TCERG1L: variants seen among roughly 807,000 people sequenced by gnomAD.
TCERG1L encodes the protein transcription elongation regulator 1-like protein.
TCERG1L carries 37 observed loss-of-function variants against 56.3 expected under a neutral mutation model. The observed-to-expected ratio is 0.66, with a 90% CI of 0.51 to 0.87. TCERG1L has a LOEUF of 0.87. Ranked by LOEUF, TCERG1L falls within the 40% of genes least tolerant of loss-of-function variation. The pLI is 0.00. For missense variants in TCERG1L, 799 were observed against 774.2 expected (o/e 1.03, Z -0.38); for synonymous variants, 324 against 326.3 (o/e 0.99, Z 0.08).
chr10:131,300,903 G>C (rs916756977), intron 3 of TCERG1L, among the ~76,000 whole-genome samples: 13 of 152,020 alleles, frequency 8.6e-5, no homozygotes, highest in Non-Finnish European at 1.6e-4. Flanking sequence ...GTGTATTCAG[G>C]GGGTGGACCT....
chr10:131,163,604 CA>C (rs1207800538), intron 5 of TCERG1L, among the ~76,000 whole-genome samples: 1 of 152,170 alleles, frequency 6.6e-6, no homozygotes, highest in East Asian at 1.9e-4. Context: ...AAAACAACAG[CA>C]TTTAGTGGCA....
At chr10:131,124,424 C>T (rs935121012) in intron 8 of TCERG1L, among the ~76,000 whole-genome samples, 1 of 152,242 alleles carries the variant, frequency 6.6e-6, no homozygotes, top group Non-Finnish European at 1.5e-5. Context: ...CGGAGCGATG[C>T]TTCTGGAATT....
chr10:131,202,888 TTAAA>T (rs1845457675), intron 4 of TCERG1L, among the ~76,000 whole-genome samples: 1 of 152,326 alleles, frequency 6.6e-6, no homozygotes, highest in East Asian at 1.9e-4. Flanking sequence ...AAAGAAACAC[TTAAA>T]TAATTAAGTC....
At chr10:131,300,159 A>G (rs987250294) in intron 3 of TCERG1L, among the ~76,000 whole-genome samples, 2 of 152,168 alleles carry the variant, frequency 1.3e-5, no homozygotes, top group African/African-American at 4.8e-5. Flanking sequence ...TGTTTGGTAT[A>G]AAGTTCTTTG....
chr10:131,239,467 C>T (rs1393073591), intron 4 of TCERG1L, among the ~76,000 whole-genome samples: 1 of 152,212 alleles, frequency 6.6e-6, no homozygotes, highest in Non-Finnish European at 1.5e-5. Flanking sequence ...TCAAAGAAAG[C>T]TTTTTACAGA....
At chr10:131,147,698 GT>G (rs1330572344) in intron 6 of TCERG1L, among the ~76,000 whole-genome samples, 2 of 152,242 alleles carry the variant, frequency 1.3e-5, no homozygotes, top group African/African-American at 4.8e-5. Context: ...CTTTTCAGAT[GT>G]GCAGGAGTGA....
chr10:131,124,009 A>T (rs957706940), intron 8 of TCERG1L, among the ~76,000 whole-genome samples: 9 of 152,282 alleles, frequency 5.9e-5, no homozygotes, highest in African/African-American at 2.2e-4. Context: ...AAGCCATGAC[A>T]TCAGGCTGTC....
chr10:131,291,338 G>A (rs1846619162), intron 3 of TCERG1L, among the ~76,000 whole-genome samples: 1 of 135,072 alleles, frequency 7.4e-6, no homozygotes, highest in Non-Finnish European at 1.5e-5. Flanking sequence ...ATCCTATATA[G>A]CCAAGATATA....
At chr10:131,176,797 TAC>T (rs1846159016) in intron 4 of TCERG1L, among the ~76,000 whole-genome samples, 3 of 10,410 alleles carry the variant, frequency 2.9e-4, no homozygotes, top group Admixed American at 1.0e-3. Flanking sequence ...GAGATACACG[TAC>T]ATACACAGAG....
At chr10:131,124,868 A>C (rs185365093) in intron 8 of TCERG1L, among the ~76,000 whole-genome samples, 16 of 152,330 alleles carry the variant, frequency 1.1e-4, no homozygotes, top group African/African-American at 3.6e-4. Context: ...TCTTCATTTC[A>C]TCAACCCTCC....
intron 4 of TCERG1L, among the ~76,000 whole-genome samples, chr10:131,217,029 C>G (rs771912369): frequency 2.0e-5 from 3 of 152,198 alleles, no homozygotes; most frequent in Non-Finnish European, 4.4e-5. Context: ...CCACAGTCTA[C>G]AGGGTTGATG....
intron 4 of TCERG1L, among the ~76,000 whole-genome samples, chr10:131,185,116 T>TATACATATA: frequency 6.6e-6 from 1 of 151,894 alleles, no homozygotes; most frequent in Admixed American, 6.6e-5. Context: ...GACATATAGA[T>TATACATATA]GTACATATAG....
chr10:131,117,504 G>A (rs1172233056), intron 8 of TCERG1L, among the ~76,000 whole-genome samples: 1 of 152,266 alleles, frequency 6.6e-6, no homozygotes, highest in African/African-American at 2.4e-5. Flanking sequence ...AGGCACAGAG[G>A]ACAGTGGAGA....
intron 3 of TCERG1L, among the ~76,000 whole-genome samples, chr10:131,280,138 C>A (rs1190091517): frequency 6.6e-6 from 1 of 152,204 alleles, no homozygotes; most frequent in Non-Finnish European, 1.5e-5. Flanking sequence ...TCTATACATT[C>A]AAAGCCAAGG....
chr10:131,115,715 G>A lies in TCERG1L; in HGVS notation c.1395+1084C>T, dbSNP rs1196551749. On this transcript the variant is annotated intron_variant, in intron 9 of 11. Coordinates refer to ENST00000368642, the MANE Select transcript of TCERG1L (RefSeq NM_174937.4). ...ATTCAAGGGGCTTTGGAGGGGAGGT[G>A]TCCCTAGGGGTGGGTGGGACCAGCT... 2.0e-5 allele frequency among the ~76,000 whole-genome samples: 3 copies of A among 152,144 alleles called. No homozygotes were observed. The East Asian group carries it at 5.8e-4, about 29-fold the overall frequency.
chr10:131,285,526 G>GAA (rs1564833952), intron 3 of TCERG1L, among the ~76,000 whole-genome samples: 372 of 22,542 alleles, frequency 0.017, 37 homozygotes, highest in South Asian at 0.029. Context: ...GAAAGAAAGA[G>GAA]AGAAAGAAAA....
intron 3 of TCERG1L, among the ~76,000 whole-genome samples, chr10:131,283,934 C>A (rs542785420): frequency 6.6e-6 from 1 of 151,970 alleles, no homozygotes; most frequent in African/African-American, 2.4e-5. Context: ...ACCAGGCTGG[C>A]CAACATTGTG....
intron 3 of TCERG1L, among the ~76,000 whole-genome samples, chr10:131,306,227 C>T (rs1846817245): frequency 6.6e-6 from 1 of 152,090 alleles, no homozygotes; most frequent in Non-Finnish European, 1.5e-5. Flanking sequence ...TCAATATGTG[C>T]ATGCCAAAGT....
At chr10:131,209,279 A>T (rs1189057373) in intron 4 of TCERG1L, among the ~76,000 whole-genome samples, 1 of 149,588 alleles carries the variant, frequency 6.7e-6, no homozygotes, top group African/African-American at 2.4e-5. Flanking sequence ...GATCAGGGAA[A>T]CCAAAGGTGG....
Sources: gnomAD v4.1 joint callset for allele counts (sites outside exome capture counted in the v4.1 genomes callset) on GRCh38, gnomAD v4.1.1 for gene constraint, MANE v1.5 for transcripts, NCBI Gene and HGNC (gene_info 2026-07-23, HGNC 2026-07-21) for gene names.